Variants in RBFOX1 observed in about 807,000 individuals in gnomAD.
The protein encoded by RBFOX1 is RNA binding protein fox-1 homolog 1.
A neutral mutation model predicts 57.7 loss-of-function variants in RBFOX1; 8 were observed. The ratio of observed to expected loss-of-function variants is 0.14; its 90% CI spans 0.08 to 0.25. The LOEUF (loss-of-function observed/expected upper bound fraction) is 0.25. RBFOX1 is among the 10% of genes least tolerant of loss of function. RBFOX1 has a pLI of 1.00. For missense variants in RBFOX1, 611 were observed against 548.5 expected (o/e 1.11, Z -1.14); for synonymous variants, 326 against 222.4 (o/e 1.47, Z -4.15).
chr16:6,110,375 A>G (rs1332825948), intron 1 of RBFOX1, among the ~76,000 whole-genome samples: 2 of 152,112 alleles, frequency 1.3e-5, no homozygotes, highest in African/African-American at 4.8e-5. Flanking sequence ...CACTGAAAAA[A>G]TTATAAAATA....
In RBFOX1 at chr16:6,947,097, AT is replaced by A. The variant is rs545320261; in HGVS notation, c.-15-104957del. ...GCTTTCTCAGAGAATAGTTAAGAGG[AT>A]TTAATGGGATAAGATCTGTTAAACT... is the stretch of plus-strand genomic sequence containing the variant. On this transcript the variant is annotated intron_variant, in intron 3 of 15. Coordinates refer to ENST00000550418, the MANE Select transcript of RBFOX1 (RefSeq NM_018723.4). 4.4e-4 allele frequency among the ~76,000 whole-genome samples: 67 copies of A among 152,258 alleles called. No individual in the cohort carries two copies. In the East Asian group the frequency reaches 0.013, roughly 29 times the overall value.
At chr16:6,351,512 T>C (rs1318544316) in intron 2 of RBFOX1, among the ~76,000 whole-genome samples, 3 of 151,596 alleles carry the variant, frequency 2.0e-5, no homozygotes, top group Admixed American at 2.0e-4. Context: ...CAGCTGGGAC[T>C]ACAGGCACCT....
chr16:6,352,809 A>G (rs373016773), intron 2 of RBFOX1, among the ~76,000 whole-genome samples: 11 of 152,344 alleles, frequency 7.2e-5, no homozygotes, highest in African/African-American at 2.6e-4. Flanking sequence ...TAGTATTTCC[A>G]GGCAATCATG....
chr16:5,587,249 T>G (rs2151172392), intron 2 of RBFOX1, among the ~76,000 whole-genome samples: 1 of 152,200 alleles, frequency 6.6e-6, no homozygotes, highest in South Asian at 2.1e-4. Flanking sequence ...CAGACACAAC[T>G]CAATTAAAAA....
intron 2 of RBFOX1, among the ~76,000 whole-genome samples, chr16:5,512,395 T>C (rs574097430): frequency 6.6e-6 from 1 of 150,382 alleles, no homozygotes; most frequent in Non-Finnish European, 1.5e-5. Flanking sequence ...TCCTCTCTTC[T>C]TCTTCCTCCT....
At chr16:6,569,261 C>G (rs1282617118) in intron 2 of RBFOX1, among the ~76,000 whole-genome samples, 5 of 152,188 alleles carry the variant, frequency 3.3e-5, no homozygotes, top group African/African-American at 1.2e-4. Context: ...AAGTTAGCCT[C>G]TCAAAACAAC....
chr16:5,573,914 A>G (rs1226111033), intron 2 of RBFOX1, among the ~76,000 whole-genome samples: 1 of 152,184 alleles, frequency 6.6e-6, no homozygotes. Flanking sequence ...TGATCGCGCC[A>G]CTGCACTCCA....
chr16:5,785,418 G>T (rs1423376587), intron 3 of RBFOX1, among the ~76,000 whole-genome samples: 1 of 152,062 alleles, frequency 6.6e-6, no homozygotes, highest in Non-Finnish European at 1.5e-5. Context: ...TGTTTCCAAG[G>T]CCCCACCGCC....
intron 4 of RBFOX1, among the ~76,000 whole-genome samples, chr16:7,227,941 T>C (rs1214945311): frequency 6.6e-6 from 1 of 152,198 alleles, no homozygotes; most frequent in African/African-American, 2.4e-5. Context: ...CAGACAATTC[T>C]TTGCGGTGAG....
intron 4 of RBFOX1, among the ~76,000 whole-genome samples, chr16:7,290,944 C>T (rs544163031): frequency 6.6e-6 from 1 of 152,206 alleles, no homozygotes; most frequent in Non-Finnish European, 1.5e-5. Context: ...ATCCTTGCCT[C>T]CATCTCAATA....
At chr16:6,525,280 A>G (rs2096562917) in intron 2 of RBFOX1, among the ~76,000 whole-genome samples, 1 of 152,198 alleles carries the variant, frequency 6.6e-6, no homozygotes, top group African/African-American at 2.4e-5. Context: ...CAGAATTATC[A>G]AATCCTAAAC....
At chr16:6,025,013 T>A (rs1383056159) in intron 1 of RBFOX1, among the ~76,000 whole-genome samples, 1 of 152,232 alleles carries the variant, frequency 6.6e-6, no homozygotes, top group African/African-American at 2.4e-5. Context: ...CAGTTGAAGG[T>A]TGGTCCTATA....
At chr16:6,055,963 T>C (rs1182557268) in intron 1 of RBFOX1, among the ~76,000 whole-genome samples, 4 of 152,138 alleles carry the variant, frequency 2.6e-5, no homozygotes, top group Non-Finnish European at 5.9e-5. Context: ...ATATGAAATA[T>C]CTCCTAATTT....
chr16:5,636,320 C>A (rs150159335), intron 3 of RBFOX1, among the ~76,000 whole-genome samples: 256 of 152,182 alleles, frequency 1.7e-3, no homozygotes, highest in African/African-American at 5.9e-3. Context: ...TTCACCCTAG[C>A]CTGGGCGACA....
chr16:5,336,800 C>T (rs2064907194), intron 1 of RBFOX1, among the ~76,000 whole-genome samples: 2 of 152,188 alleles, frequency 1.3e-5, no homozygotes, highest in Non-Finnish European at 2.9e-5. Context: ...GCCTTCAGCT[C>T]ACAACTCTCA....
At chr16:6,159,442 G>A (rs1055755236) in intron 1 of RBFOX1, among the ~76,000 whole-genome samples, 2 of 152,128 alleles carry the variant, frequency 1.3e-5, no homozygotes, top group Admixed American at 6.6e-5. Flanking sequence ...TGTGAGCAAA[G>A]AATGCTCAAA....
chr16:7,621,504 C>T (rs140792363), intron 10 of RBFOX1, among the ~76,000 whole-genome samples: 1 of 152,122 alleles, frequency 6.6e-6, no homozygotes, highest in Non-Finnish European at 1.5e-5. Context: ...TCAAGTGATC[C>T]TCCTGCCTTG....
intron 1 of RBFOX1, among the ~76,000 whole-genome samples, chr16:5,415,599 C>A (rs2067140264): frequency 6.6e-6 from 1 of 152,172 alleles, no homozygotes; most frequent in African/African-American, 2.4e-5. Context: ...TCTTGGCAGG[C>A]AATAGCACCT....
At chr16:5,350,375 C>T (rs1175902651) in intron 1 of RBFOX1, among the ~76,000 whole-genome samples, 1 of 152,084 alleles carries the variant, frequency 6.6e-6, no homozygotes, top group Admixed American at 6.6e-5. Context: ...GCTGTTGGCT[C>T]TGGTTGATAG....
Sources: gnomAD v4.1 joint callset for allele counts (sites outside exome capture counted in the v4.1 genomes callset) on GRCh38, gnomAD v4.1.1 for gene constraint, MANE v1.5 for transcripts, NCBI Gene and HGNC (gene_info 2026-07-23, HGNC 2026-07-21) for gene names.